Variants in FERMT2 observed in about 807,000 individuals in gnomAD.
FERMT2 encodes the protein fermitin family homolog 2.
In FERMT2, 15 loss-of-function variants were observed where a neutral mutation model predicts 82.7. The observed-to-expected ratio is 0.18, with a 90% confidence interval of 0.12 to 0.28. The LOEUF is 0.28. Among genes scored for constraint, FERMT2 ranks in the 10% least tolerant of loss-of-function variants. FERMT2 has a pLI of 1.00. For missense variants in FERMT2, 645 were observed against 809.4 expected (o/e 0.80, Z 2.46); for synonymous variants, 274 against 271.5 (o/e 1.01, Z -0.09).
At chr14:52,873,203 C>T (rs1240510442) in intron 9 of FERMT2, among the ~76,000 whole-genome samples, 2 of 152,136 alleles carry the variant, frequency 1.3e-5, no homozygotes, top group Admixed American at 6.5e-5. Context: ...ACATCTATCA[C>T]TAACTAGCAG....
chr14:52,897,130 A>G (rs974996494), intron 3 of FERMT2, among the ~76,000 whole-genome samples: 2 of 152,200 alleles, frequency 1.3e-5, no homozygotes, highest in Admixed American at 6.5e-5. Context: ...TTTCAGTACC[A>G]TAAGACAGGG....
chr14:52,899,143 C>T (rs1293415294), intron 3 of FERMT2, among the ~76,000 whole-genome samples: 1 of 151,944 alleles, frequency 6.6e-6, no homozygotes, highest in Non-Finnish European at 1.5e-5. Flanking sequence ...ACTAGATGGG[C>T]CCATGAGAAT....
At chr14:52,869,068 G>C (rs533186246) in intron 10 of FERMT2, among the ~76,000 whole-genome samples, 1 of 152,238 alleles carries the variant, frequency 6.6e-6, no homozygotes, top group East Asian at 1.9e-4. Context: ...GAGAACAGGG[G>C]CCAGAAGACA....
At chr14:52,884,536 G>A (rs368096910) in intron 4 of FERMT2, among the ~76,000 whole-genome samples, 60 of 151,904 alleles carry the variant, frequency 3.9e-4, no homozygotes, top group Admixed American at 2.6e-4. Context: ...CCCGGGAGGC[G>A]GAGTTTGCAG....
At chr14:52,896,834 A>T (rs12431859) in intron 3 of FERMT2, among the ~76,000 whole-genome samples, 144,901 of 150,782 alleles carry the variant, frequency 0.96, 69,871 homozygotes, top group East Asian at 1. Context: ...TACAAACAAA[A>T]TTTTTTTTTA....
chr14:52,899,245 T>C (rs939794627), intron 3 of FERMT2, among the ~76,000 whole-genome samples: 1 of 152,052 alleles, frequency 6.6e-6, no homozygotes, highest in African/African-American at 2.4e-5. Flanking sequence ...AGCGGCTTGT[T>C]TTATATAAGT....
At chr14:52,938,863 G>C (rs575649934) in intron 2 of FERMT2, among the ~76,000 whole-genome samples, 3 of 152,156 alleles carry the variant, frequency 2.0e-5, no homozygotes, top group East Asian at 3.9e-4. Flanking sequence ...GAAGGTATTT[G>C]TCTAACCAGA....
chr14:52,874,631 T>TCATCCAC (rs1885837241), intron 8 of FERMT2, among the ~76,000 whole-genome samples: 1 of 152,208 alleles, frequency 6.6e-6, no homozygotes, highest in Non-Finnish European at 1.5e-5. Context: ...TTTTCTTCTT[T>TCATCCAC]TTGTAGTATT....
At chr14:52,867,721 T>C (rs531261809) in intron 10 of FERMT2, among the ~76,000 whole-genome samples, 57 of 152,210 alleles carry the variant, frequency 3.7e-4, no homozygotes, top group African/African-American at 1.3e-3. Context: ...ATTCAAAATA[T>C]CCCCAAATTA....
At chr14:52,863,121 C>T (rs1180844387) in intron 12 of FERMT2, 1 of 152,158 alleles carries the variant, frequency 6.6e-6, no homozygotes, top group Non-Finnish European at 1.5e-5. Context: ...TTACAATCTA[C>T]ATTCCATACA....
chr14:52,946,002 G>A (rs539799658), intron 2 of FERMT2, among the ~76,000 whole-genome samples: 17 of 152,026 alleles, frequency 1.1e-4, no homozygotes, highest in Non-Finnish European at 1.8e-4. Context: ...TCAGCCTCCC[G>A]AGTAGCTGGG....
At chr14:52,921,042 AAG>A (rs1888930070) in intron 2 of FERMT2, among the ~76,000 whole-genome samples, 1 of 152,360 alleles carries the variant, frequency 6.6e-6, no homozygotes, top group Non-Finnish European at 1.5e-5. Context: ...TACCTTTAAA[AAG>A]AGTTTATCAA....
In FERMT2 at chr14:52,932,015, C is replaced by T. The variant is rs144839762; in HGVS notation, c.158-12659G>A. On this transcript the variant is annotated intron_variant, in intron 2 of 14. Transcript: ENST00000341590. ...CTGCACTCCAGCCTAGGCGACAGAG[C>T]GAGACTCCGTCTCAAAAAAGAAAAA... 6.4e-3 allele frequency among the ~76,000 whole-genome samples: 981 copies of T among 152,204 alleles called. 7 individuals are homozygous for T. Among genetic ancestry groups the T allele is most frequent in the African/African-American group, 0.021 (861 of 41,528 alleles).
At chr14:52,868,059 C>T (rs539354289) in intron 10 of FERMT2, among the ~76,000 whole-genome samples, 3 of 152,192 alleles carry the variant, frequency 2.0e-5, no homozygotes, top group African/African-American at 7.2e-5. Context: ...GCTGCCAGTT[C>T]AAAAAGCAAT....
At chr14:52,914,711 A>G (rs1306888058) in intron 3 of FERMT2, among the ~76,000 whole-genome samples, 1 of 152,092 alleles carries the variant, frequency 6.6e-6, no homozygotes, top group Non-Finnish European at 1.5e-5. Flanking sequence ...CCTGAGGTCA[A>G]GAGTTCCAGA....
rs1213031217 is a variant in FERMT2, at chr14:52,857,611, A to G, written c.*766T>C. The G allele has an allele frequency of 6.6e-6, 1 of 152,664 alleles. No homozygotes were observed. Among genetic ancestry groups the G allele is most frequent in the Non-Finnish European group, 1.5e-5 (1 of 68,042 alleles). The allele number at this position is 152,664 out of a possible 1,614,324, so 9.5% of individuals were successfully genotyped here. On this transcript the variant is annotated 3_prime_UTR_variant, in exon 15 of 15. Coordinates refer to ENST00000341590, the MANE Select transcript of FERMT2 (RefSeq NM_006832.3). ...TTTAAGCCATCTGCTAGTTGTGAGT[A>G]GTTTTTAAAAAACTGTACAATTTTA...
Position 52,860,214 on chromosome 14 carries a change from A to T in FERMT2, c.1727+127T>A, listed in dbSNP as rs971235284. The T allele has an allele frequency of 6.0e-6, 4 of 668,956 alleles. No individual in the cohort carries two copies. In the African/African-American group the frequency reaches 7.5e-5, roughly 12 times the overall value. 41.4% of individuals were successfully genotyped at this position (668,956 alleles called of 1,614,324 possible). On this transcript the variant is annotated intron_variant, in intron 13 of 14. Coordinates refer to ENST00000341590, the MANE Select transcript of FERMT2 (RefSeq NM_006832.3). ...CAAAATACATTCTAACAGTCTTTGA[A>T]TTCTATTGTAATATGAGTTAATGGG...
At chr14:52,876,514 C>T (rs1885964810) in intron 7 of FERMT2, among the ~76,000 whole-genome samples, 1 of 152,168 alleles carries the variant, frequency 6.6e-6, no homozygotes, top group Admixed American at 6.5e-5. Flanking sequence ...TGCAAAATGT[C>T]TTTATGAGTC....
rs112350849 is a variant in FERMT2 at position 52,905,238 on chromosome 14, T to TA, written c.392-11812dup. 5.1e-3 allele frequency among the ~76,000 whole-genome samples: 760 copies of TA among 148,688 alleles called. 7 individuals are homozygous for TA. Among genetic ancestry groups the TA allele is most frequent in the African/African-American group, 0.018 (709 of 40,512 alleles). On this transcript the variant is annotated intron_variant, in intron 3 of 14. Coordinates refer to ENST00000341590, the MANE Select transcript of FERMT2 (RefSeq NM_006832.3). The stretch of plus-strand genomic sequence containing the variant: ...GAGTGGAAAAACATCAACAGATACC[T>TA]AAAATTGATAAATCAAGAAGTAACA...
Sources: allele counts gnomAD v4.1 joint callset (sites outside exome capture counted in the v4.1 genomes callset), GRCh38; gene constraint gnomAD v4.1.1; transcripts MANE v1.5; gene names NCBI Gene and HGNC (gene_info 2026-07-23, HGNC 2026-07-21).